The following PHACTR3 variants were observed in gnomAD, a reference collection of about 807,000 sequenced individuals.
PHACTR3 encodes phosphatase and actin regulator 3, also known as protein phosphatase 1, regulatory subunit 123.
Under a neutral mutation model 66.8 loss-of-function variants are expected in PHACTR3, and 16 were observed. The ratio of observed to expected loss-of-function variants is 0.24; its 90% confidence interval spans 0.16 to 0.36. The LOEUF is 0.36. Ranked by LOEUF, PHACTR3 falls within the 10% of genes least tolerant of loss-of-function variation. The pLI is 1.00. For missense variants in PHACTR3, 647 were observed against 719.9 expected, an observed-to-expected ratio of 0.90 and a Z score of 1.16; for synonymous variants, 323 against 292.1, an observed-to-expected ratio of 1.11 and a Z score of -1.08.
intron 5 of PHACTR3, among the ~76,000 whole-genome samples, chr20:59,771,399 G>A (rs1369085175): frequency 6.6e-6 from 1 of 152,116 alleles, no homozygotes; most frequent in East Asian, 1.9e-4. Flanking sequence ...CTGGGGATGG[G>A]TCTCCCTGCA....
At chr20:59,731,626 G>A (rs943778503) in intron 1 of PHACTR3, among the ~76,000 whole-genome samples, 3 of 152,298 alleles carry the variant, frequency 2.0e-5, no homozygotes, top group Non-Finnish European at 4.4e-5. Context: ...AAACAGATGG[G>A]CTTTCTAGTT....
intron 1 of PHACTR3, among the ~76,000 whole-genome samples, chr20:59,615,582 C>G (rs950506307): frequency 4.6e-5 from 7 of 152,214 alleles, no homozygotes; most frequent in African/African-American, 1.7e-4. Context: ...ATTCTCCAGA[C>G]CTCCGTGGCC....
At chr20:59,807,047 G>A (rs55852698) in intron 8 of PHACTR3, among the ~76,000 whole-genome samples, 1,624 of 152,334 alleles carry the variant, frequency 0.011, 19 homozygotes, top group Non-Finnish European at 0.016. Context: ...GTGAGTGAAC[G>A]GGAAGGCTAG....
intron 3 of PHACTR3, among the ~76,000 whole-genome samples, chr20:59,754,812 A>T (rs964362531): frequency 3.9e-5 from 6 of 152,268 alleles, no homozygotes; most frequent in African/African-American, 1.4e-4. Flanking sequence ...CATCATACCC[A>T]CTGTGTCCCA....
chr20:59,669,317 A>G (rs2036110604), intron 1 of PHACTR3, among the ~76,000 whole-genome samples: 1 of 152,180 alleles, frequency 6.6e-6, no homozygotes, highest in African/African-American at 2.4e-5. Flanking sequence ...GATGGGGTCA[A>G]TTACTGACCC....
rs60619458 is a variant in PHACTR3, at chr20:59,753,152, T to TAA, written c.359-2019_359-2018dup. 1.8e-3 allele frequency among the ~76,000 whole-genome samples: 256 copies of TAA among 146,052 alleles called. 1 individual carries two copies. Among genetic ancestry groups the TAA allele is most frequent in the African/African-American group, 6.1e-3 (245 of 40,126 alleles). Reference sequence around the variant, plus strand: ...AAATAGAAAAGACTTTCATAAAAATTAAAAAAAAAAAATCAAGGGTTGCAG... The same window carrying TAA: ...AAATAGAAAAGACTTTCATAAAAATTAAAAAAAAAAAAAATCAAGGGTTGCAG... On this transcript the variant is annotated intron_variant, in intron 3 of 12. Coordinates refer to ENST00000371015, the MANE Select transcript of PHACTR3 (RefSeq NM_080672.5).
upstream of PHACTR3, among the ~76,000 whole-genome samples, chr20:59,602,609 T>C (rs1275668996): frequency 6.6e-6 from 1 of 152,052 alleles, no homozygotes; most frequent in African/African-American, 2.4e-5. Context: ...TCTGGTGTGA[T>C]CTTTCTCCTC....
intron 8 of PHACTR3, among the ~76,000 whole-genome samples, chr20:59,815,189 G>C (rs1383778824): frequency 6.6e-6 from 1 of 152,114 alleles, no homozygotes; most frequent in South Asian, 2.1e-4. Flanking sequence ...GGACCTCATC[G>C]GGGGGAATTT....
intron 1 of PHACTR3, among the ~76,000 whole-genome samples, chr20:59,655,559 A>G (rs1209337760): frequency 6.6e-6 from 1 of 151,902 alleles, no homozygotes; most frequent in African/African-American, 2.4e-5. Flanking sequence ...TTATCAGTCT[A>G]GCTAAAGATT....
At chr20:59,705,700 C>T (rs1018764871) in intron 1 of PHACTR3, among the ~76,000 whole-genome samples, 1 of 152,146 alleles carries the variant, frequency 6.6e-6, no homozygotes, top group Non-Finnish European at 1.5e-5. Context: ...CGAGACACTC[C>T]TGGTTCAAGG....
At chr20:59,839,412 A>T (rs1478254254) in intron 9 of PHACTR3, among the ~76,000 whole-genome samples, 1 of 152,250 alleles carries the variant, frequency 6.6e-6, no homozygotes, top group Non-Finnish European at 1.5e-5. Flanking sequence ...TCTTTTACAT[A>T]AAGGCAGATA....
chr20:59,744,474 G>A (rs1039605406), intron 2 of PHACTR3, among the ~76,000 whole-genome samples: 5 of 152,204 alleles, frequency 3.3e-5, no homozygotes, highest in Non-Finnish European at 5.9e-5. Context: ...GCCCTGGCGA[G>A]TGCCCGTCTC....
intron 1 of PHACTR3, among the ~76,000 whole-genome samples, chr20:59,635,536 C>T (rs1376166669): frequency 6.6e-5 from 10 of 152,024 alleles, no homozygotes; most frequent in Non-Finnish European, 1.5e-4. Flanking sequence ...GCCCGGCCTG[C>T]TCCTTGCTTT....
At chr20:59,658,242 A>C (rs1416852687) in intron 1 of PHACTR3, among the ~76,000 whole-genome samples, 1 of 151,750 alleles carries the variant, frequency 6.6e-6, no homozygotes, top group Non-Finnish European at 1.5e-5. Context: ...CATATTTATA[A>C]TATTTTGGAC....
chr20:59,795,409 T>TCTCCTAATATA (rs2041224186), intron 7 of PHACTR3, among the ~76,000 whole-genome samples: 1 of 184 alleles, frequency 5.4e-3, no homozygotes, highest in East Asian at 0.17. Flanking sequence ...CCTAATATAT[T>TCTCCTAATATA]ATCTAGGAGA....
intron 1 of PHACTR3, among the ~76,000 whole-genome samples, chr20:59,708,942 GT>G (rs938933304): frequency 2.0e-5 from 3 of 152,258 alleles, no homozygotes; most frequent in African/African-American, 7.2e-5. Context: ...CATTGAGCTG[GT>G]TTGGCTCCAT....
chr20:59,642,386 A>G (rs1402876387), intron 1 of PHACTR3, among the ~76,000 whole-genome samples: 1 of 152,138 alleles, frequency 6.6e-6, no homozygotes, highest in African/African-American at 2.4e-5. Context: ...GAGATTATCA[A>G]GAACATCAAA....
At chr20:59,727,389 G>C (rs1162794574) in intron 1 of PHACTR3, among the ~76,000 whole-genome samples, 1 of 152,098 alleles carries the variant, frequency 6.6e-6, no homozygotes. Flanking sequence ...CTTTCTGCCT[G>C]ATGTAAAAGT....
chr20:59,685,335 G>A (rs1414325266), intron 1 of PHACTR3, among the ~76,000 whole-genome samples: 7 of 152,174 alleles, frequency 4.6e-5, no homozygotes, highest in Admixed American at 4.6e-4. Flanking sequence ...GGGAACAGTG[G>A]CCACATAGCC....
Sources: allele counts gnomAD v4.1 joint callset (sites outside exome capture counted in the v4.1 genomes callset), GRCh38; gene constraint gnomAD v4.1.1; transcripts MANE v1.5; gene names NCBI Gene and HGNC (gene_info 2026-07-23, HGNC 2026-07-21).